The following CXADR variants were observed in gnomAD, a reference collection of about 807,000 sequenced individuals.
The protein encoded by CXADR is CXADR cell adhesion molecule, also known as coxsackievirus and adenovirus receptor.
CXADR carries 20 observed loss-of-function variants against 40.3 expected under a neutral mutation model. The ratio of observed to expected loss-of-function variants is 0.50; its 90% CI spans 0.35 to 0.72. The LOEUF is 0.72. Ranked by LOEUF, CXADR falls within the 30% of genes least tolerant of loss-of-function variation. CXADR has a pLI of 0.01. For missense variants in CXADR, 332 were observed against 449.1 expected, an observed-to-expected ratio of 0.74 and a Z score of 2.36; for synonymous variants, 150 against 161.3, an observed-to-expected ratio of 0.93 and a Z score of 0.53.
At chr21:17,601,302 G>A in the CXADR span, among the ~76,000 whole-genome samples, 22,220 of 152,174 alleles carry the variant, frequency 0.15, 1,978 homozygotes, top group East Asian at 0.22. Flanking sequence ...TATGCTGGAC[G>A]AGGAAGCTGG....
At chr21:17,585,840 A>G (rs956687403) in intron 7 of CXADR, among the ~76,000 whole-genome samples, 1 of 152,142 alleles carries the variant, frequency 6.6e-6, no homozygotes, top group Admixed American at 6.5e-5. Context: ...TTAAATGAAC[A>G]ATACTACTTT....
rs146167400 is a variant in CXADR at position 17,552,245 on chromosome 21, G to A, written c.415+292G>A. ...TAAGCTAGGAGTTAGGAGATCTAGG[G>A]TTTTTGCCTTGTCCTCAGAATTTGC... is the stretch of plus-strand genomic sequence containing the variant. On this transcript the variant is annotated intron_variant, in intron 3 of 6. Transcript: ENST00000284878. Among the ~76,000 whole-genome samples the A allele has an allele frequency of 4.7e-4, 72 of 152,258 alleles. 1 individual carries two copies. In the East Asian group the frequency reaches 0.01, roughly 22 times the overall value.
chr21:17,568,386 C>T lies in CXADR; in HGVS notation c.*2694C>T, dbSNP rs905604582. On this transcript the variant is annotated 3_prime_UTR_variant, in exon 7 of 7. Transcript: ENST00000284878. The stretch of plus-strand genomic sequence containing the variant: ...CTCGTGATCTGCCTGCCTCGGCCTC[C>T]CAAAGTGCTGGGATTACAGGCGTGA... 4 of 967,964 alleles carry T rather than the reference C, an allele frequency of 4.1e-6. No individual in the cohort carries two copies. Among genetic ancestry groups the T allele is most frequent in the African/African-American group, 1.8e-5 (1 of 56,604 alleles). 60.0% of individuals were successfully genotyped at this position (967,964 alleles called of 1,614,324 possible).
At chr21:17,524,202 T>C (rs554214300) in intron 1 of CXADR, among the ~76,000 whole-genome samples, 16 of 152,066 alleles carry the variant, frequency 1.1e-4, no homozygotes, top group African/African-American at 3.1e-4. Flanking sequence ...CCTACATTGA[T>C]CTCTTCTGTG....
the CXADR span, among the ~76,000 whole-genome samples, chr21:17,607,349 C>T: frequency 6.6e-6 from 1 of 151,818 alleles, no homozygotes; most frequent in Non-Finnish European, 1.5e-5. Context: ...ACAGTTCTAA[C>T]TTAACGAAAG....
At chr21:17,548,214 A>G (rs1294995571) in intron 2 of CXADR, among the ~76,000 whole-genome samples, 1 of 152,208 alleles carries the variant, frequency 6.6e-6, no homozygotes, top group African/African-American at 2.4e-5. Flanking sequence ...TACAAGTAAC[A>G]TCCTTCCATT....
the CXADR span, among the ~76,000 whole-genome samples, chr21:17,615,706 C>T: frequency 2.6e-5 from 4 of 152,108 alleles, no homozygotes; most frequent in African/African-American, 9.7e-5. Flanking sequence ...AAGATATTCA[C>T]TTCTATTGTG....
the CXADR span, chr21:17,604,815 G>GT: frequency 6.3e-7 from 1 of 1,585,420 alleles, no homozygotes; most frequent in Non-Finnish European, 8.6e-7. Context: ...CATAAAATTA[G>GT]TTCCAGCATG....
At chr21:17,548,085 A>C (rs73308246) in intron 2 of CXADR, among the ~76,000 whole-genome samples, 3,827 of 152,282 alleles carry the variant, frequency 0.025, 170 homozygotes, top group African/African-American at 0.088. Context: ...AAATTATATT[A>C]GATCAGGGAG....
rs151148874 is a variant in CXADR, at chr21:17,555,605, A to C, written c.416-3371A>C. On this transcript the variant is annotated intron_variant, in intron 3 of 6. Coordinates refer to ENST00000284878, the MANE Select transcript of CXADR (RefSeq NM_001338.5). The stretch of plus-strand genomic sequence containing the variant: ...TTTTTGTACTAGGATTGCATCTAGA[A>C]TCCACATGGCATTTATATCTCCTTA... Among the ~76,000 whole-genome samples, 273 of 152,140 alleles carry C rather than the reference A, an allele frequency of 1.8e-3. 2 individuals carry two copies. The highest frequency in any genetic ancestry group is 6.4e-3 in the African/African-American group (265 of 41,496).
At position 17,582,100 on chromosome 21, in the gene CXADR, A is replaced by G. The variant is rs530274862; in HGVS notation, c.1018-11052A>G. On this transcript the variant is annotated intron_variant, in intron 7 of 7. Coordinates refer to the CXADR transcript ENST00000400169. ...CTGGGATTACAGGCACCTGCCACAC[A>G]TTTCCTAAGGCCACATAGCTAGGAG... is the stretch of plus-strand genomic sequence containing the variant. Among the ~76,000 whole-genome samples the G allele has an allele frequency of 6.8e-3, 1,011 of 148,362 alleles. 50 individuals carry two copies. In the East Asian group the frequency reaches 0.12, roughly 18 times the overall value.
At chr21:17,629,402 A>T in the CXADR span, among the ~76,000 whole-genome samples, 1 of 151,104 alleles carries the variant, frequency 6.6e-6, no homozygotes, top group African/African-American at 2.4e-5. Context: ...AAAAAAAAAA[A>T]AAAAATTAAA....
In CXADR at chr21:17,567,661, C is replaced by T; in HGVS notation, c.*1969C>T. The T allele has an allele frequency of 2.0e-6, 2 of 979,624 alleles. No individual in the cohort carries two copies. The highest frequency in any genetic ancestry group is 2.4e-6 in the Non-Finnish European group (2 of 824,764). The allele number at this position is 979,624 out of a possible 1,614,324, so 60.7% of individuals were successfully genotyped here. A position where few individuals can be genotyped will look rare whatever the true frequency, so the allele number is the denominator to read the frequency against. ...TATGTTTCTGATTTTATAACAGTAG[C>T]CATTTTTGAAAGTCAGATGTTTGGC... On this transcript the variant is annotated 3_prime_UTR_variant, in exon 7 of 7. Transcript: ENST00000284878.
intron 2 of CXADR, among the ~76,000 whole-genome samples, chr21:17,550,123 G>A (rs369111293): frequency 2.0e-5 from 3 of 152,114 alleles, no homozygotes; most frequent in Admixed American, 6.6e-5. Flanking sequence ...TTGGGAGGCC[G>A]AGGCAGGCGG....
Position 17,529,595 on chromosome 21 carries a change from A to G in CXADR, c.43+16423A>G, listed in dbSNP as rs544548649. On this transcript the variant is annotated intron_variant, in intron 1 of 6. Transcript: ENST00000284878. ...CTTGGTCTCCCAAAGTGCTAGGATT[A>G]CAGGTGTGAGCCACTGCGCCCGGCC... Among the ~76,000 whole-genome samples the G allele has an allele frequency of 1.1e-4, 17 of 152,358 alleles. No homozygotes were observed. The South Asian group carries it at 3.5e-3, about 32-fold the overall frequency.
chr21:17,529,922 T>C lies in CXADR; in HGVS notation c.43+16750T>C, dbSNP rs568729464. 5.9e-5 allele frequency among the ~76,000 whole-genome samples: 9 copies of C among 151,550 alleles called. No individual in the cohort carries two copies. The East Asian group carries it at 1.6e-3, about 26-fold the overall frequency. On this transcript the variant is annotated intron_variant, in intron 1 of 6. Transcript: ENST00000284878. ...CCCTGTCATGCCCCTTCCAGTCCCTTCCTTTACTATTTTTCTTTTTCTTTT... is the reference window on the plus strand; with the variant it reads ...CCCTGTCATGCCCCTTCCAGTCCCTCCCTTTACTATTTTTCTTTTTCTTTT...
chr21:17,517,060 G>A (rs2060471119), intron 1 of CXADR, among the ~76,000 whole-genome samples: 1 of 151,934 alleles, frequency 6.6e-6, no homozygotes, highest in Non-Finnish European at 1.5e-5. Flanking sequence ...TATATTATTG[G>A]TCTTGCATCT....
intron 1 of CXADR, chr21:17,527,022 A>G (rs1219691839): frequency 6.6e-6 from 1 of 152,218 alleles, no homozygotes; most frequent in African/African-American, 2.4e-5. Flanking sequence ...CCTTACCCAT[A>G]ATGCAAAATA....
At chr21:17,582,018 G>T (rs1034498785) in intron 7 of CXADR, among the ~76,000 whole-genome samples, 4 of 88 alleles carry the variant, frequency 0.045, no homozygotes, top group African/African-American at 0.19. Context: ...TCGGCTCACT[G>T]CAAACCTCTG....
Sources: allele counts gnomAD v4.1 joint callset (sites outside exome capture counted in the v4.1 genomes callset), GRCh38; gene constraint gnomAD v4.1.1; transcripts MANE v1.5; gene names NCBI Gene and HGNC (gene_info 2026-07-23, HGNC 2026-07-21).